Variants in OTUD7A observed in about 807,000 individuals in gnomAD.
The protein encoded by OTUD7A is OTU domain-containing protein 7A.
OTUD7A carries 12 observed loss-of-function variants against 65.7 expected under a neutral mutation model. The ratio of observed to expected loss-of-function variants is 0.18; its 90% CI spans 0.12 to 0.30. OTUD7A has a LOEUF of 0.30. OTUD7A is among the 10% of genes least tolerant of loss of function. The probability of loss-of-function intolerance (pLI) is 1.00; values close to 1 mark genes in which losing one functional copy is unlikely to be tolerated. For synonymous variants in OTUD7A, 641 were observed against 586.3 expected (o/e 1.09, Z -1.35); for missense variants, 1,148 against 1,304.8 (o/e 0.88, Z 1.85).
chr15:31,840,123 T>C (rs1328279482), intron 1 of OTUD7A, among the ~76,000 whole-genome samples: 2 of 152,130 alleles, frequency 1.3e-5, no homozygotes, highest in Admixed American at 6.5e-5. Context: ...TAGACTATTA[T>C]AAAATTGAAG....
intron 3 of OTUD7A, among the ~76,000 whole-genome samples, chr15:31,647,163 TG>T (rs972683697): frequency 2.7e-4 from 41 of 152,286 alleles, no homozygotes; most frequent in African/African-American, 8.7e-4. Flanking sequence ...GACCCACTGA[TG>T]GTCCCAGCCC....
intron 1 of OTUD7A, among the ~76,000 whole-genome samples, chr15:31,734,355 A>C (rs1299269908): frequency 6.6e-6 from 1 of 152,258 alleles, no homozygotes; most frequent in African/African-American, 2.4e-5. Context: ...ATTCAATGCT[A>C]TTCCTATTAA....
intron 8 of OTUD7A, among the ~76,000 whole-genome samples, chr15:31,506,372 C>A (rs1311038881): frequency 6.6e-6 from 1 of 151,938 alleles, no homozygotes; most frequent in African/African-American, 2.4e-5. Context: ...TTTTTAAATT[C>A]ATACTTACCA....
chr15:31,703,030 A>G (rs917666045), intron 1 of OTUD7A, among the ~76,000 whole-genome samples: 1 of 152,066 alleles, frequency 6.6e-6, no homozygotes, highest in African/African-American at 2.4e-5. Flanking sequence ...ATAGGCACAA[A>G]AAACAAGAAA....
chr15:31,589,746 C>T (rs1382623703), intron 3 of OTUD7A, among the ~76,000 whole-genome samples: 1 of 151,956 alleles, frequency 6.6e-6, no homozygotes, highest in Non-Finnish European at 1.5e-5. Flanking sequence ...ATGCAGACAT[C>T]CAAAAGCTAA....
At chr15:31,846,986 G>T (rs919231814) in intron 1 of OTUD7A, among the ~76,000 whole-genome samples, 1 of 152,158 alleles carries the variant, frequency 6.6e-6, no homozygotes, top group Non-Finnish European at 1.5e-5. Flanking sequence ...AAAGCCAAGG[G>T]TCGCCTTGTT....
At chr15:31,689,585 TATTA>T (rs1892916768) in intron 1 of OTUD7A, 1 of 152,152 alleles carries the variant, frequency 6.6e-6, no homozygotes, top group South Asian at 2.1e-4. Context: ...AAAAATTAAA[TATTA>T]ATGTTTCAAA....
rs1891951468 is a variant in OTUD7A at position 31,655,129 on chromosome 15, C to A, written c.118G>T (p.Ala40Ser). ...VLSDFVRSTG[A>S]EPGLARDLLE... ...AGGTCTCTGGCCAGACCAGGTTCTGCCCCCGTGGACCGAACAAAGTCTGAC... is the reference window on the plus strand; with the variant it reads ...AGGTCTCTGGCCAGACCAGGTTCTGACCCCGTGGACCGAACAAAGTCTGAC... Residue 40 changes from alanine (A) to serine (S), a missense_variant, in exon 3 of 13, where the codon GCA becomes TCA. Ala to Ser is a moderately conservative substitution (Grantham distance 99, BLOSUM62 1). Coordinates refer to ENST00000307050, the MANE Select transcript of OTUD7A (RefSeq NM_001382637.1). 14 of 1,567,614 alleles carry A rather than the reference C, an allele frequency of 8.9e-6. No individual in the cohort carries two copies. Among genetic ancestry groups the A allele is most frequent in the Non-Finnish European group, 1.2e-5 (14 of 1,162,270 alleles).
intron 5 of OTUD7A, among the ~76,000 whole-genome samples, chr15:31,535,260 G>T (rs890177854): frequency 2.0e-5 from 3 of 152,138 alleles, no homozygotes; most frequent in Admixed American, 6.6e-5. Flanking sequence ...GATAGTGAGT[G>T]AGTTCTCATG....
At chr15:31,780,488 C>A (rs1009691772) in intron 1 of OTUD7A, among the ~76,000 whole-genome samples, 1 of 152,182 alleles carries the variant, frequency 6.6e-6, no homozygotes. Context: ...CAGGAGCCGG[C>A]GGGAGCTGTG....
At chr15:31,641,308 C>T (rs1352419919) in intron 3 of OTUD7A, among the ~76,000 whole-genome samples, 1 of 152,294 alleles carries the variant, frequency 6.6e-6, no homozygotes, top group Admixed American at 6.5e-5. Context: ...TGTGAGTCAA[C>T]TAAGCCTCTT....
At chr15:31,582,067 C>T (rs1889389257) in intron 3 of OTUD7A, among the ~76,000 whole-genome samples, 2 of 152,202 alleles carry the variant, frequency 1.3e-5, no homozygotes, top group Admixed American at 6.5e-5. Flanking sequence ...TCAGAAATTT[C>T]GTCTGCCAGA....
At chr15:31,682,832 G>A (rs1892749042) in intron 1 of OTUD7A, among the ~76,000 whole-genome samples, 1 of 152,214 alleles carries the variant, frequency 6.6e-6, no homozygotes, top group African/African-American at 2.4e-5. Flanking sequence ...TGTGACTTCT[G>A]TGTGCATGTT....
intron 1 of OTUD7A, among the ~76,000 whole-genome samples, chr15:31,659,902 G>A (rs560099475): frequency 4.6e-5 from 7 of 152,376 alleles, no homozygotes; most frequent in Non-Finnish European, 1.0e-4. Context: ...TGATGGCCTG[G>A]CTGGGTGCAA....
chr15:31,757,997 T>C (rs1392822778), intron 1 of OTUD7A, among the ~76,000 whole-genome samples: 1 of 152,186 alleles, frequency 6.6e-6, no homozygotes, highest in African/African-American at 2.4e-5. Flanking sequence ...TGCTAGGTAG[T>C]TTGACATATT....
intron 1 of OTUD7A, among the ~76,000 whole-genome samples, chr15:31,824,753 AT>A (rs1896760492): frequency 6.6e-6 from 1 of 152,222 alleles, no homozygotes; most frequent in Non-Finnish European, 1.5e-5. Flanking sequence ...ACTGTAATTC[AT>A]GCAGATGGCC....
chr15:31,753,691 ATATATATATAT>A lies in OTUD7A; in HGVS notation c.-99-96625_-99-96615del, dbSNP rs1159281344. Among the ~76,000 whole-genome samples, 88 of 15,420 alleles carry A rather than the reference ATATATATATAT, an allele frequency of 5.7e-3. 2 individuals are homozygous for A. In the South Asian group the frequency reaches 0.09, roughly 16 times the overall value. The allele number at this position is 15,420 out of a possible 152,430, so 10.1% of individuals were successfully genotyped here. ...TATATATATATAACCTGTGAGATAT[ATATATATATAT>A]TATATATATATATATATATTATATA... On this transcript the variant is annotated intron_variant, in intron 1 of 12. Transcript: ENST00000307050.
chr15:31,700,601 A>G (rs537941987), intron 1 of OTUD7A, among the ~76,000 whole-genome samples: 65 of 152,216 alleles, frequency 4.3e-4, no homozygotes, highest in African/African-American at 1.5e-3. Context: ...CTTCTCCCCA[A>G]TTCGGGCAAT....
intron 1 of OTUD7A, among the ~76,000 whole-genome samples, chr15:31,731,255 GTAAGATAAGAA>G (rs1402622594): frequency 6.6e-6 from 1 of 152,166 alleles, no homozygotes; most frequent in Admixed American, 6.5e-5. Context: ...TTCTAAAAGA[GTAAGATAAGAA>G]CGCAGATGTT....
Sources: gnomAD v4.1 joint callset for allele counts (sites outside exome capture counted in the v4.1 genomes callset) on GRCh38, gnomAD v4.1.1 for gene constraint, MANE v1.5 for transcripts, NCBI Gene and HGNC (gene_info 2026-07-23, HGNC 2026-07-21) for gene names.